The following LRRK1 variants were observed in gnomAD, a reference collection of about 807,000 sequenced individuals.
LRRK1 encodes the protein leucine-rich repeat serine/threonine-protein kinase 1.
Under a neutral mutation model 209.1 loss-of-function variants are expected in LRRK1, and 113 were observed. The observed-to-expected ratio is 0.54, with a 90% CI of 0.46 to 0.63. The LOEUF is 0.63. Among genes scored for constraint, LRRK1 ranks in the 30% least tolerant of loss-of-function variants. The pLI is 0.00. For synonymous variants in LRRK1, 1,144 were observed against 1,099.7 expected (o/e 1.04, Z -0.80); for missense variants, 2,284 against 2,632.2 (o/e 0.87, Z 2.89).
At chr15:101,066,467 C>T (rs2141165267) in intron 32 of LRRK1, among the ~76,000 whole-genome samples, 173 bp from the exon 33 acceptor site, 1 of 152,360 alleles carries the variant, frequency 6.6e-6, no homozygotes, top group South Asian at 2.1e-4. Context: ...ACTCAGTTTC[C>T]ACTGAGAAAA....
intron 1 of LRRK1, among the ~76,000 whole-genome samples, chr15:100,924,074 G>T (rs568017473): frequency 6.6e-6 from 1 of 152,190 alleles, no homozygotes; most frequent in East Asian, 1.9e-4. Context: ...AACTGGCCCC[G>T]GGCAAAAGGA....
At chr15:100,971,489 A>G (rs2030885450) in intron 2 of LRRK1, among the ~76,000 whole-genome samples, 1 of 152,212 alleles carries the variant, frequency 6.6e-6, no homozygotes, top group African/African-American at 2.4e-5. Context: ...GTTTGCCTCT[A>G]CTGGCTGCGT....
chr15:101,046,878 T>C (rs2035108891), intron 21 of LRRK1, among the ~76,000 whole-genome samples: 1 of 152,226 alleles, frequency 6.6e-6, no homozygotes, highest in South Asian at 2.1e-4. Context: ...ATTAATTTCA[T>C]GCAGGGCAGG....
Position 100,973,863 on chromosome 15 carries a change from C to A in LRRK1, c.157C>A (p.Arg53Ser). The A allele has an allele frequency of 7.8e-7, 1 of 1,290,210 alleles. No individual in the cohort carries two copies. The highest frequency in any genetic ancestry group is 9.9e-7 in the Non-Finnish European group (1 of 1,014,664). The allele number at this position is 1,290,210 out of a possible 1,614,324, so 79.9% of individuals were successfully genotyped here. The change falls in exon 3 of 34, where the codon CGC (arginine) becomes AGC (serine). Residue 53 changes from arginine to serine, a missense_variant. Around this residue, in one of 6 missense-constraint regions of LRRK1, gnomAD observed 174 missense variants for 133.5 expected, o/e 1.30. Coordinates refer to ENST00000388948, the MANE Select transcript of LRRK1 (RefSeq NM_024652.6). ...TRGGDPAARS[R>S]RTEGIRAAYR... is the part of the protein sequence containing the mutation. ...GGGCGGTGACCCTGCAGCGCGGTCC[C>A]GCAGGACGGAAGGCATCCGCGCCGC...
At chr15:101,010,304 T>C in intron 7 of LRRK1, 146 bp from the exon 8 acceptor site, 1 of 794,486 alleles carries the variant, frequency 1.3e-6, no homozygotes, top group Non-Finnish European at 2.0e-6. Flanking sequence ...TTAAAAATCA[T>C]ATGCACTACA....
At position 100,974,920 on chromosome 15, in the gene LRRK1, A is replaced by G. The variant is rs180759942; in HGVS notation, c.261+953A>G. On this transcript the variant is annotated intron_variant, in intron 3 of 33. Coordinates refer to ENST00000388948, the MANE Select transcript of LRRK1 (RefSeq NM_024652.6). ...AATACCTTAAGGATGTTTTATTTGCATCACTTTGATTAGGACAGGCTTAAC... is the reference window on the plus strand; with the variant it reads ...AATACCTTAAGGATGTTTTATTTGCGTCACTTTGATTAGGACAGGCTTAAC... Among the ~76,000 whole-genome samples, 1,191 of 152,304 alleles carry G rather than the reference A, an allele frequency of 7.8e-3. 17 individuals carry two copies. The highest frequency in any genetic ancestry group is 0.028 in the African/African-American group (1,144 of 41,560).
In LRRK1 at chr15:101,027,565, G is replaced by A. The variant is rs1377251274; in HGVS notation, c.2527-73G>A. ...CCCACCCCCTCAGGCCACAGGGGCC[G>A]GGCAGGATCTGCCCAAGCTGGCAGG... On this transcript the variant is annotated intron_variant, in intron 18 of 33. Transcript: ENST00000388948. This position sits in a 1 kb window ranked among gnomAD's most constrained non-coding sequence, Gnocchi z 5.1. 1.6e-5 allele frequency: 25 copies of A among 1,568,552 alleles called. No homozygotes were observed. The Admixed American group carries it at 1.7e-4, about 11-fold the overall frequency.
chr15:100,976,565 A>G (rs79528508), intron 3 of LRRK1, among the ~76,000 whole-genome samples: 6,983 of 152,326 alleles, frequency 0.046, 207 homozygotes, highest in Middle Eastern at 0.075. Context: ...CCTTTATTCA[A>G]TGCTACTAGG....
At chr15:100,980,613 G>C (rs538014989) in intron 3 of LRRK1, among the ~76,000 whole-genome samples, 1 of 152,112 alleles carries the variant, frequency 6.6e-6, no homozygotes, top group Non-Finnish European at 1.5e-5. Context: ...TATTGCCATC[G>C]GGGGAAACTG....
At chr15:100,973,010 C>G (rs2031023992) in intron 2 of LRRK1, among the ~76,000 whole-genome samples, 2 of 152,224 alleles carry the variant, frequency 1.3e-5, no homozygotes, top group Admixed American at 6.5e-5. Flanking sequence ...TCCACAGGCC[C>G]TCACTGTGAA....
At chr15:100,945,311 G>A (rs2042514576) in intron 2 of LRRK1, among the ~76,000 whole-genome samples, 2 of 152,138 alleles carry the variant, frequency 1.3e-5, no homozygotes, top group South Asian at 2.1e-4. Context: ...CCCAGTGGCT[G>A]ACAAGTATTT....
chr15:101,046,175 A>G (rs2035065271), intron 21 of LRRK1, 23 bp downstream of exon 21: 1 of 1,611,652 alleles, frequency 6.2e-7, no homozygotes, highest in Non-Finnish European at 8.5e-7. Context: ...CGGTTTCTGC[A>G]TAGACAGATG....
intron 4 of LRRK1, among the ~76,000 whole-genome samples, chr15:100,987,672 A>T (rs2031945702): frequency 6.6e-6 from 1 of 152,232 alleles, no homozygotes; most frequent in Non-Finnish European, 1.5e-5. Context: ...TGATCCAGGC[A>T]CTTGACATGC....
At chr15:101,038,739 T>G (rs1211966241) in intron 20 of LRRK1, among the ~76,000 whole-genome samples, 2 of 152,352 alleles carry the variant, frequency 1.3e-5, no homozygotes, top group East Asian at 3.9e-4. Context: ...TACTCACTAT[T>G]TTGCCTCTTC....
chr15:101,050,168 T>C (rs1317286171), intron 23 of LRRK1, among the ~76,000 whole-genome samples: 1 of 152,064 alleles, frequency 6.6e-6, no homozygotes, highest in Admixed American at 6.5e-5. Flanking sequence ...CAGATGGAAA[T>C]TTATCCCCTG....
At chr15:100,936,222 A>C (rs1417918502) in intron 2 of LRRK1, among the ~76,000 whole-genome samples, 1 of 152,240 alleles carries the variant, frequency 6.6e-6, no homozygotes, top group East Asian at 1.9e-4. Flanking sequence ...TATTTTAAGA[A>C]GTCAAACCTT....
chr15:100,980,649 G>T (rs1425964919), intron 3 of LRRK1, among the ~76,000 whole-genome samples: 1 of 152,162 alleles, frequency 6.6e-6, no homozygotes, highest in Non-Finnish European at 1.5e-5. Context: ...GGTTTTCTCA[G>T]TACTATCTTT....
At chr15:100,951,097 C>CAAAGG (rs2042643039) in intron 2 of LRRK1, among the ~76,000 whole-genome samples, 1 of 151,956 alleles carries the variant, frequency 6.6e-6, no homozygotes, top group Non-Finnish European at 1.5e-5. Flanking sequence ...AGTGAGACTC[C>CAAAGG]GTCTCAGAAA....
At chr15:100,972,934 A>ACACACC (rs11472046) in intron 2 of LRRK1, among the ~76,000 whole-genome samples, 148 of 151,508 alleles carry the variant, frequency 9.8e-4, no homozygotes, top group Non-Finnish European at 1.5e-3. Context: ...ACACACACAC[A>ACACACC]CACCCAGTTT....
Sources: gnomAD v4.1 joint callset for allele counts (sites outside exome capture counted in the v4.1 genomes callset) on GRCh38, gnomAD v4.1.1 for gene constraint, gnomAD v4.1.1 regional missense constraint, Gnocchi (gnomAD v3.1) non-coding constraint, MANE v1.5 for transcripts, NCBI Gene and HGNC (gene_info 2026-07-23, HGNC 2026-07-21) for gene names.